TMEM272: variants seen among roughly 807,000 people sequenced by gnomAD.
TMEM272 encodes the protein long intergenic non-protein coding RNA 282.
A neutral mutation model predicts 3.7 loss-of-function variants in TMEM272; 8 were observed. That is an observed-to-expected ratio of 2.17 (90% CI 1.27 to 3.91). The LOEUF is 3.91. Ranked by LOEUF, TMEM272 falls within the 30% of genes most tolerant of loss-of-function variation. The pLI is 0.00. For missense variants in TMEM272, 166 were observed against 91.5 expected, an observed-to-expected ratio of 1.81 and a Z score of -3.32; for synonymous variants, 63 against 39.8, an observed-to-expected ratio of 1.58 and a Z score of -2.20.
At chr13:51,926,825 G>A in the TMEM272 span, among the ~76,000 whole-genome samples, 6 of 152,214 alleles carry the variant, frequency 3.9e-5, no homozygotes, top group East Asian at 7.7e-4. Context: ...ATTCTGTGAT[G>A]CATTTATACT....
the TMEM272 span, among the ~76,000 whole-genome samples, chr13:51,886,541 C>T: frequency 7.9e-5 from 12 of 152,220 alleles, no homozygotes; most frequent in African/African-American, 2.9e-4. Context: ...GGCAGTCTAT[C>T]TCTAGAACCA....
intron 3 of TMEM272, among the ~76,000 whole-genome samples, chr13:51,826,054 C>T (rs1041570505): frequency 2.6e-5 from 4 of 151,480 alleles, no homozygotes; most frequent in African/African-American, 9.7e-5. Flanking sequence ...TGCCCCTCCC[C>T]TGACCTTCGC....
chr13:51,860,405 C>T, the TMEM272 span, among the ~76,000 whole-genome samples: 2 of 151,860 alleles, frequency 1.3e-5, no homozygotes, highest in Non-Finnish European at 2.9e-5. Flanking sequence ...TTTGGGAAGC[C>T]GAATGGGTAG....
At chr13:51,850,163 T>G (rs1956324464), upstream of TMEM272, among the ~76,000 whole-genome samples, 1 of 152,236 alleles carries the variant, frequency 6.6e-6, no homozygotes. Context: ...GCATTAAGTT[T>G]ATACACAAAT....
intron 3 of TMEM272, among the ~76,000 whole-genome samples, chr13:51,824,267 G>A (rs1347343310): frequency 6.6e-6 from 1 of 152,162 alleles, no homozygotes; most frequent in Admixed American, 6.5e-5. Flanking sequence ...TGTCTGATCT[G>A]CAGTATCACG....
the TMEM272 span, among the ~76,000 whole-genome samples, chr13:51,911,230 G>A: frequency 1.1e-4 from 16 of 152,258 alleles, no homozygotes; most frequent in East Asian, 1.3e-3. Context: ...TGACCATTAC[G>A]TCATTGAAGA....
At chr13:51,925,560 CAT>C in the TMEM272 span, among the ~76,000 whole-genome samples, 7 of 152,144 alleles carry the variant, frequency 4.6e-5, no homozygotes, top group Non-Finnish European at 7.3e-5. Flanking sequence ...AATATAGACA[CAT>C]AGAGCCATCC....
intron 3 of TMEM272, among the ~76,000 whole-genome samples, chr13:51,822,401 GTA>G (rs1956087414): frequency 6.6e-6 from 1 of 152,134 alleles, no homozygotes; most frequent in Non-Finnish European, 1.5e-5. Flanking sequence ...TTTTTTCTGG[GTA>G]TTAACTGGCT....
the TMEM272 span, among the ~76,000 whole-genome samples, chr13:51,919,035 T>C: frequency 6.6e-6 from 1 of 152,082 alleles, no homozygotes; most frequent in Non-Finnish European, 1.5e-5. Flanking sequence ...CCTATTCCCA[T>C]CTTTTCCTTC....
the TMEM272 span, among the ~76,000 whole-genome samples, chr13:51,893,529 G>T: frequency 5.9e-5 from 9 of 152,200 alleles, no homozygotes; most frequent in East Asian, 1.7e-3. Context: ...CGATGAATGT[G>T]TGTTTTTCTG....
chr13:51,890,658 T>C, the TMEM272 span, among the ~76,000 whole-genome samples: 1 of 152,160 alleles, frequency 6.6e-6, no homozygotes, highest in Non-Finnish European at 1.5e-5. Context: ...AAACTTATGT[T>C]AAATGAAATG....
At chr13:51,895,268 T>C in the TMEM272 span, among the ~76,000 whole-genome samples, 1 of 152,112 alleles carries the variant, frequency 6.6e-6, no homozygotes, top group Non-Finnish European at 1.5e-5. Context: ...TTGGGGTGGT[T>C]TGTGGGGAGC....
At chr13:51,911,637 A>C in the TMEM272 span, among the ~76,000 whole-genome samples, 2 of 152,144 alleles carry the variant, frequency 1.3e-5, no homozygotes, top group African/African-American at 4.8e-5. Context: ...ATTTTTGCTT[A>C]ATTGGTTTCT....
the TMEM272 span, among the ~76,000 whole-genome samples, chr13:51,850,711 A>G: frequency 5.9e-5 from 9 of 152,232 alleles, no homozygotes; most frequent in Admixed American, 3.9e-4. Context: ...TTTAAAATTT[A>G]AATCTAATAC....
At chr13:51,910,742 A>T in the TMEM272 span, 9 of 370,178 alleles carry the variant, frequency 2.4e-5, no homozygotes, top group Non-Finnish European at 2.6e-5. Context: ...ACCGGAGCGG[A>T]CCACTGCGGA....
At chr13:51,825,610 T>A (rs1391383955) in intron 3 of TMEM272, among the ~76,000 whole-genome samples, 2 of 149,396 alleles carry the variant, frequency 1.3e-5, no homozygotes, top group African/African-American at 5.0e-5. Flanking sequence ...CTGGGCCTGC[T>A]GAGCTGCTTC....
the TMEM272 span, among the ~76,000 whole-genome samples, chr13:51,919,668 A>C: frequency 6.6e-6 from 1 of 152,172 alleles, no homozygotes; most frequent in African/African-American, 2.4e-5. Context: ...CTTATGACAC[A>C]CATCGCAAGT....
the TMEM272 span, among the ~76,000 whole-genome samples, chr13:51,922,061 CCT>C: frequency 4.6e-5 from 7 of 152,214 alleles, no homozygotes; most frequent in Non-Finnish European, 1.0e-4. Flanking sequence ...CTCCCTCACA[CCT>C]CTCTGCAGGC....
At chr13:51,873,637 A>G in the TMEM272 span, among the ~76,000 whole-genome samples, 1 of 152,232 alleles carries the variant, frequency 6.6e-6, no homozygotes, top group East Asian at 1.9e-4. Context: ...GTGATGTTGG[A>G]CTTTTGCATG....
Sources: gnomAD v4.1 joint callset for allele counts (sites outside exome capture counted in the v4.1 genomes callset) on GRCh38, gnomAD v4.1.1 for gene constraint, MANE v1.5 for transcripts, NCBI Gene and HGNC (gene_info 2026-07-23, HGNC 2026-07-21) for gene names.